The following TAOK1 variants were observed in gnomAD, a reference collection of about 807,000 sequenced individuals.
TAOK1 encodes the protein TAO kinase 1.
A neutral mutation model predicts 138.3 loss-of-function variants in TAOK1; 21 were observed. The observed-to-expected ratio is 0.15, with a 90% CI of 0.11 to 0.22. TAOK1 has a LOEUF of 0.22. Ranked by LOEUF, TAOK1 falls within the 10% of genes least tolerant of loss-of-function variation. The pLI is 1.00. For missense variants in TAOK1, 651 were observed against 1,227.7 expected (o/e 0.53, Z 7.02); for synonymous variants, 361 against 398.4 (o/e 0.91, Z 1.12).
chr17:29,420,602 T>TTTTTTTTA (rs1905403549), intron 1 of TAOK1, among the ~76,000 whole-genome samples: 1 of 150,770 alleles, frequency 6.6e-6, no homozygotes, highest in Non-Finnish European at 1.5e-5. Flanking sequence ...TTTTTTTTTT[T>TTTTTTTTA]GAGACGAAGT....
chr17:29,423,929 A>G (rs979075183), intron 1 of TAOK1, among the ~76,000 whole-genome samples: 6 of 151,778 alleles, frequency 4.0e-5, no homozygotes, highest in Admixed American at 3.9e-4. Flanking sequence ...GACGCCTGTA[A>G]TCCCAGCTAC....
chr17:29,536,064 T>C (rs774626862), intron 19 of TAOK1, among the ~76,000 whole-genome samples: 2 of 129,074 alleles, frequency 1.5e-5, no homozygotes, highest in Non-Finnish European at 3.3e-5. Context: ...AGGCCGAGGG[T>C]TGGGGGAGCA....
chr17:29,394,136 T>G (rs1904512772), intron 1 of TAOK1, among the ~76,000 whole-genome samples: 1 of 148,522 alleles, frequency 6.7e-6, no homozygotes, highest in Non-Finnish European at 1.5e-5. Flanking sequence ...ATGATTTATT[T>G]TAATAATTTG....
chr17:29,434,344 C>T (rs577257841), intron 1 of TAOK1, among the ~76,000 whole-genome samples: 132 of 152,108 alleles, frequency 8.7e-4, no homozygotes, highest in Middle Eastern at 3.4e-3. Context: ...GAAAAAGCCT[C>T]CTTTTAAAGG....
At position 29,451,748 on chromosome 17, in the gene TAOK1, A is replaced by G. The variant is rs1311386744; in HGVS notation, c.132+68A>G. The G allele has an allele frequency of 5.8e-6, 9 of 1,538,512 alleles. No homozygotes were observed. In the African/African-American group the frequency reaches 1.1e-4, roughly 19 times the overall value. On this transcript the variant is annotated intron_variant, in intron 2 of 19. Transcript: ENST00000261716. ...ATGTCCACTCCTGACAGAGCAAAATATAGTAATGAAAAGAGATATAGGCCA... is the reference window on the plus strand; with the variant it reads ...ATGTCCACTCCTGACAGAGCAAAATGTAGTAATGAAAAGAGATATAGGCCA...
At chr17:29,516,847 G>GT (rs2031825591) in intron 15 of TAOK1, among the ~76,000 whole-genome samples, 1 of 151,534 alleles carries the variant, frequency 6.6e-6, no homozygotes. Context: ...GTTTTGTTTT[G>GT]TTTTTGAGAC....
chr17:29,522,195 TTTACTGGTTATTCTGTTAA>T, intron 16 of TAOK1, 66 bp from the exon 17 acceptor site: 1 of 1,515,646 alleles, frequency 6.6e-7, no homozygotes, highest in Non-Finnish European at 8.9e-7. Context: ...ATTACATCTG[TTTACTGGTTATTCTGTTAA>T]TTAGGACTTT....
chr17:29,445,865 ATT>A, intron 1 of TAOK1, among the ~76,000 whole-genome samples: 1 of 152,166 alleles, frequency 6.6e-6, no homozygotes, highest in Non-Finnish European at 1.5e-5. Flanking sequence ...AGCTTGAAGA[ATT>A]TATGTAGAAT....
rs1287319458 is a variant in TAOK1 at position 29,547,823 on chromosome 17, A to T, written c.*4801A>T. 1 of 152,094 alleles carries T rather than the reference A, an allele frequency of 6.6e-6. No individual in the cohort carries two copies. The highest frequency in any genetic ancestry group is 1.5e-5 in the Non-Finnish European group (1 of 67,978). 9.4% of individuals were successfully genotyped at this position (152,094 alleles called of 1,614,324 possible). A position where few individuals can be genotyped will look rare whatever the true frequency, so the allele number is the denominator to read the frequency against. On this transcript the variant is annotated 3_prime_UTR_variant, in exon 20 of 20. Coordinates refer to ENST00000261716, the MANE Select transcript of TAOK1 (RefSeq NM_020791.4). ...TCACTCTTAGTTTTTAAGAACTGGA[A>T]ATTTCCCATCCTCAGATCCCTTAAA...
chr17:29,401,848 G>A (rs529520519), intron 1 of TAOK1, among the ~76,000 whole-genome samples: 3 of 151,962 alleles, frequency 2.0e-5, no homozygotes, highest in South Asian at 2.1e-4. Flanking sequence ...ACGGGGTTTC[G>A]CCATGTTGGC....
chr17:29,531,122 C>A (rs998365884), intron 18 of TAOK1, among the ~76,000 whole-genome samples: 1 of 150,634 alleles, frequency 6.6e-6, no homozygotes, highest in Non-Finnish European at 1.5e-5. Flanking sequence ...CCACTATGCC[C>A]GGCTAATTTT....
intron 1 of TAOK1, among the ~76,000 whole-genome samples, chr17:29,449,184 TTTGA>T (rs1252552087): frequency 1.3e-5 from 2 of 152,192 alleles, no homozygotes; most frequent in African/African-American, 4.8e-5. Flanking sequence ...TTTTTAATAG[TTTGA>T]TTAATTGAAA....
intron 9 of TAOK1, among the ~76,000 whole-genome samples, chr17:29,490,423 T>C (rs2031274552): frequency 6.6e-6 from 1 of 152,118 alleles, no homozygotes; most frequent in Non-Finnish European, 1.5e-5. Flanking sequence ...ATTCGATAAA[T>C]TCTAGGGGGA....
At chr17:29,456,074 G>A (rs1293281525) in intron 2 of TAOK1, among the ~76,000 whole-genome samples, 1 of 150,400 alleles carries the variant, frequency 6.6e-6, no homozygotes, top group African/African-American at 2.5e-5. Flanking sequence ...AGGGCCGGGC[G>A]CGGTGGCTCA....
At chr17:29,513,323 C>T (rs1246384604) in intron 15 of TAOK1, 1 of 152,036 alleles carries the variant, frequency 6.6e-6, no homozygotes, top group African/African-American at 2.4e-5. Context: ...GCAGTATACT[C>T]CCATGACTAT....
chr17:29,533,772 G>T (rs564363393), intron 18 of TAOK1, among the ~76,000 whole-genome samples: 1 of 88,014 alleles, frequency 1.1e-5, no homozygotes, highest in East Asian at 3.3e-4. Flanking sequence ...GGAGGTTGCA[G>T]TGAGCCGAGA....
intron 18 of TAOK1, among the ~76,000 whole-genome samples, chr17:29,530,962 A>T (rs988760626): frequency 1.0e-4 from 10 of 96,172 alleles, no homozygotes; most frequent in African/African-American, 3.5e-4. Context: ...ACAAGTACAA[A>T]TTTTTTTTTT....
At chr17:29,542,274 A>G (rs956441799) in intron 19 of TAOK1, among the ~76,000 whole-genome samples, 6 of 152,242 alleles carry the variant, frequency 3.9e-5, no homozygotes, top group African/African-American at 1.4e-4. Context: ...AAAATTACCT[A>G]TTGGGTACAG....
Position 29,456,240 on chromosome 17 carries a change from C to T in TAOK1, c.132+4560C>T, listed in dbSNP as rs183543819. The stretch of plus-strand genomic sequence containing the variant: ...GTGCATGCCTGTAGTCCCAGCTACT[C>T]GGGGAACTGAGGCATGAGAATCGCT... On this transcript the variant is annotated intron_variant, in intron 2 of 19. Coordinates refer to ENST00000261716, the MANE Select transcript of TAOK1 (RefSeq NM_020791.4). Among the ~76,000 whole-genome samples, 9 of 149,726 alleles carry T rather than the reference C, an allele frequency of 6.0e-5. No homozygotes were observed. In the East Asian group the frequency reaches 7.7e-4, roughly 13 times the overall value.
Sources: gnomAD v4.1 joint callset for allele counts (sites outside exome capture counted in the v4.1 genomes callset) on GRCh38, gnomAD v4.1.1 for gene constraint, MANE v1.5 for transcripts, NCBI Gene and HGNC (gene_info 2026-07-23, HGNC 2026-07-21) for gene names.